EPHB1: variants seen among roughly 807,000 people sequenced by gnomAD.
EPHB1 encodes ephrin type-B receptor 1.
In EPHB1, 30 loss-of-function variants were observed where a neutral mutation model predicts 94.4. That is an observed-to-expected ratio of 0.32 (90% CI 0.24 to 0.43). The LOEUF (loss-of-function observed/expected upper bound fraction) is 0.43, where lower values mean the gene tolerates loss of function less well. Among genes scored for constraint, EPHB1 ranks in the 20% least tolerant of loss-of-function variants. EPHB1 has a pLI of 1.00. For missense variants in EPHB1, 1,055 were observed against 1,308.3 expected, an observed-to-expected ratio of 0.81 and a Z score of 2.99; for synonymous variants, 522 against 489.1, an observed-to-expected ratio of 1.07 and a Z score of -0.89.
chr3:134,869,238 C>G (rs2037446337), intron 1 of EPHB1, among the ~76,000 whole-genome samples: 1 of 152,174 alleles, frequency 6.6e-6, no homozygotes, highest in East Asian at 1.9e-4. Context: ...AGAGCCCAAC[C>G]CACTTGGCTT....
chr3:135,113,013 G>A (rs760271720), intron 4 of EPHB1, among the ~76,000 whole-genome samples: 10 of 152,310 alleles, frequency 6.6e-5, no homozygotes, highest in South Asian at 2.1e-4. Flanking sequence ...ATATTACCCC[G>A]ATATGTAATC....
intron 5 of EPHB1, among the ~76,000 whole-genome samples, chr3:135,133,821 TA>T (rs1471346962): frequency 6.6e-6 from 1 of 152,240 alleles, no homozygotes; most frequent in Non-Finnish European, 1.5e-5. Flanking sequence ...AGAATCTGTT[TA>T]TTTTTATATC....
intron 3 of EPHB1, among the ~76,000 whole-genome samples, chr3:135,052,981 A>ATGTGTGTGTATATATATG (rs1450437516): frequency 9.1e-6 from 1 of 109,884 alleles, no homozygotes; most frequent in African/African-American, 3.9e-5. Context: ...GTGTATATAT[A>ATGTGTGTGTATATATATG]TGTGTGTGTA....
chr3:135,079,576 C>T (rs954258260), intron 3 of EPHB1, among the ~76,000 whole-genome samples: 2 of 152,170 alleles, frequency 1.3e-5, no homozygotes, highest in Non-Finnish European at 2.9e-5. Flanking sequence ...CACGTCACCT[C>T]CTTGAGCCCA....
rs926837822 is a variant in EPHB1, at chr3:135,132,895, C to T, written c.1143C>T (p.Pro381=). The T allele has an allele frequency of 1.9e-6, 3 of 1,613,934 alleles. No homozygotes were observed. In the African/African-American group the frequency reaches 4.0e-5, roughly 22 times the overall value. ...SRCDDNVEFV[P]RQLGLTECRV... ...GTGACGACAATGTGGAGTTTGTGCC[C>T]AGGCAGCTGGGCCTGACGGAGTGCC... The change falls in exon 5 of 16, where the codon CCC becomes CCT. Residue 381 remains proline, a synonymous_variant. Coordinates refer to ENST00000398015, the MANE Select transcript of EPHB1 (RefSeq NM_004441.5).
At position 135,259,000 on chromosome 3, in the gene EPHB1, C is replaced by T. The variant is rs565436435; in HGVS notation, c.2847-12C>T. ...CACTAAAGTGACTTCTTTTCTGGCTCTTTCCTCCTAGAGACCTCCTGAGAA... is the reference window on the plus strand; with the variant it reads ...CACTAAAGTGACTTCTTTTCTGGCTTTTTCCTCCTAGAGACCTCCTGAGAA... On this transcript the variant is annotated splice_polypyrimidine_tract_variant and intron_variant, in intron 15 of 15. Coordinates refer to ENST00000398015, the MANE Select transcript of EPHB1 (RefSeq NM_004441.5). 1 of 1,592,436 alleles carries T rather than the reference C, an allele frequency of 6.3e-7. No individual in the cohort carries two copies. Among genetic ancestry groups the T allele is most frequent in the Non-Finnish European group, 8.6e-7 (1 of 1,168,008 alleles).
At chr3:134,806,879 G>C (rs528317987) in intron 1 of EPHB1, among the ~76,000 whole-genome samples, 3 of 152,210 alleles carry the variant, frequency 2.0e-5, no homozygotes, top group African/African-American at 4.8e-5. Flanking sequence ...GCTATAAAGG[G>C]AGTAAACAAG....
intron 3 of EPHB1, among the ~76,000 whole-genome samples, chr3:134,998,603 T>C (rs1030613712): frequency 6.6e-6 from 1 of 152,186 alleles, no homozygotes; most frequent in Non-Finnish European, 1.5e-5. Flanking sequence ...TTCAACATTT[T>C]TCTGACACTA....
At chr3:135,043,040 C>T (rs560707291) in intron 3 of EPHB1, among the ~76,000 whole-genome samples, 5 of 151,966 alleles carry the variant, frequency 3.3e-5, no homozygotes, top group African/African-American at 1.2e-4. Context: ...ACAAGTTTCG[C>T]CACATTGCTA....
At chr3:134,871,243 CTTAT>C (rs1405705040) in intron 1 of EPHB1, among the ~76,000 whole-genome samples, 2 of 152,240 alleles carry the variant, frequency 1.3e-5, no homozygotes, top group African/African-American at 4.8e-5. Flanking sequence ...GAGACCATCA[CTTAT>C]TTATAACATT....
rs760904530 is a variant in EPHB1, at chr3:135,167,028, G to C, written c.1759+22G>C. ...CGAGGTAAGTAGAAAGCAGAGACCCGGTGTCTGACCCCCACAGGCCACTGA... is the reference window on the plus strand; with the variant it reads ...CGAGGTAAGTAGAAAGCAGAGACCCCGTGTCTGACCCCCACAGGCCACTGA... On this transcript the variant is annotated intron_variant, in intron 9 of 15. Transcript: ENST00000398015. 8.1e-6 allele frequency: 13 copies of C among 1,613,548 alleles called. No individual in the cohort carries two copies. The East Asian group carries it at 8.9e-5, about 11-fold the overall frequency.
chr3:135,003,960 TTA>T (rs1204250930), intron 3 of EPHB1, among the ~76,000 whole-genome samples: 1 of 152,018 alleles, frequency 6.6e-6, no homozygotes, highest in African/African-American at 2.4e-5. Context: ...CCATTTACAT[TTA>T]AAGTTAATAG....
At chr3:135,195,094 A>C (rs1243011621) in intron 11 of EPHB1, among the ~76,000 whole-genome samples, 1 of 152,196 alleles carries the variant, frequency 6.6e-6, no homozygotes. Flanking sequence ...ATAAACTTGA[A>C]TAAAAGGCAA....
intron 15 of EPHB1, among the ~76,000 whole-genome samples, chr3:135,251,811 T>G (rs971537762): frequency 3.3e-5 from 5 of 152,326 alleles, no homozygotes; most frequent in African/African-American, 1.2e-4. Flanking sequence ...GGGTGTGATG[T>G]GCAGTGTACA....
intron 3 of EPHB1, among the ~76,000 whole-genome samples, chr3:135,081,952 C>T (rs1938180416): frequency 1.3e-5 from 2 of 151,954 alleles, no homozygotes; most frequent in African/African-American, 2.4e-5. Context: ...GCTGTGTATG[C>T]TTCCCTGTGA....
intron 1 of EPHB1, among the ~76,000 whole-genome samples, chr3:134,857,229 T>G (rs900890822): frequency 6.6e-6 from 1 of 152,170 alleles, no homozygotes; most frequent in Admixed American, 6.5e-5. Flanking sequence ...TTCTTTGTGC[T>G]CAGCCCCTGT....
At chr3:135,057,287 A>AAAGGGATGGAGAGGAGACTCC (rs1231544603) in intron 3 of EPHB1, among the ~76,000 whole-genome samples, 2 of 152,126 alleles carry the variant, frequency 1.3e-5, no homozygotes, top group African/African-American at 4.8e-5. Context: ...AGGCCTGATG[A>AAAGGGATGGAGAGGAGACTCC]AAGGGATGGA....
In EPHB1 at chr3:135,059,827, G is replaced by A. The variant is rs575525678; in HGVS notation, c.806-46621G>A. Among the ~76,000 whole-genome samples, 24 of 152,310 alleles carry A rather than the reference G, an allele frequency of 1.6e-4. No homozygotes were observed. The South Asian group carries it at 2.5e-3, about 16-fold the overall frequency. ...ACTCCAGTTCTGCCACCACTAATGCGTGACCTTTGGCGTGTCCCCATGGCC... is the reference window on the plus strand; with the variant it reads ...ACTCCAGTTCTGCCACCACTAATGCATGACCTTTGGCGTGTCCCCATGGCC... On this transcript the variant is annotated intron_variant, in intron 3 of 15. Transcript: ENST00000398015.
chr3:135,122,890 A>T (rs951814515), intron 4 of EPHB1, among the ~76,000 whole-genome samples: 17 of 152,158 alleles, frequency 1.1e-4, no homozygotes, highest in Admixed American at 5.9e-4. Flanking sequence ...TATGATTAGG[A>T]GAATTGCCTG....
Sources: allele counts gnomAD v4.1 joint callset (sites outside exome capture counted in the v4.1 genomes callset), GRCh38; gene constraint gnomAD v4.1.1; transcripts MANE v1.5; gene names NCBI Gene and HGNC (gene_info 2026-07-23, HGNC 2026-07-21).